Variants in RAB37 observed in about 807,000 individuals in gnomAD.
The protein encoded by RAB37 is ras-related protein Rab-37.
In RAB37, 29 loss-of-function variants were observed where a neutral mutation model predicts 33.1. The ratio of observed to expected loss-of-function variants is 0.88; its 90% CI spans 0.65 to 1.20. The LOEUF (loss-of-function observed/expected upper bound fraction) is 1.20, where lower values mean the gene tolerates loss of function less well. RAB37 is among the 50% of genes most tolerant of loss of function. The pLI is 0.00. For missense variants in RAB37, 299 were observed against 301.1 expected (o/e 0.99, Z 0.05); for synonymous variants, 128 against 119.5 (o/e 1.07, Z -0.47).
At chr17:74,689,467 A>G (rs1404295967) in intron 1 of RAB37, among the ~76,000 whole-genome samples, 4 of 152,150 alleles carry the variant, frequency 2.6e-5, no homozygotes. Context: ...AAAGAAAGAA[A>G]GAAAAGAAAA....
rs1036570601 is a variant in RAB37 at position 74,729,865 on chromosome 17, T to C, written c.183+499T>C. ...AGGTCAGCCCTCCAAGGCAAGAAGATCTGGAGGGACAAAGGGACGACAAAG... is the reference window on the plus strand; with the variant it reads ...AGGTCAGCCCTCCAAGGCAAGAAGACCTGGAGGGACAAAGGGACGACAAAG... On this transcript the variant is annotated intron_variant, in intron 2 of 7. Coordinates refer to the RAB37 transcript ENST00000340415. This position sits in a 1 kb window ranked among gnomAD's most constrained non-coding sequence, Gnocchi z 4.2. 5.3e-5 allele frequency among the ~76,000 whole-genome samples: 8 copies of C among 152,230 alleles called. No individual in the cohort carries two copies. The highest frequency in any genetic ancestry group is 4.6e-4 in the Admixed American group (7 of 15,290).
intron 1 of RAB37, among the ~76,000 whole-genome samples, chr17:74,690,219 C>A (rs569293772): frequency 6.6e-6 from 1 of 152,248 alleles, no homozygotes; most frequent in Admixed American, 6.5e-5. Flanking sequence ...CTTGGCTTCC[C>A]AAAGTGCTGA....
chr17:74,695,938 G>A lies in RAB37; in HGVS notation c.72+24280G>A, dbSNP rs2032424071. Reference sequence around the variant, plus strand: ...TTCCTTTTCCACGGTGGGACGGGACGAGAGCCTCTCCACTTCCCCAGGTGC... The same window carrying A: ...TTCCTTTTCCACGGTGGGACGGGACAAGAGCCTCTCCACTTCCCCAGGTGC... On this transcript the variant is annotated intron_variant, in intron 1 of 7. Coordinates refer to the RAB37 transcript ENST00000340415. The A allele has an allele frequency of 6.0e-6, 9 of 1,508,454 alleles. No individual in the cohort carries two copies. In the Middle Eastern group the frequency reaches 5.5e-4, roughly 93 times the overall value. The allele number at this position is 1,508,454 out of a possible 1,614,324, so 93.4% of individuals were successfully genotyped here.
intron 1 of RAB37, among the ~76,000 whole-genome samples, chr17:74,691,888 C>T (rs1325051546): frequency 1.4e-5 from 2 of 142,390 alleles, no homozygotes; most frequent in Admixed American, 1.4e-4. Flanking sequence ...TTTTTTGAGA[C>T]GGAGTCTTGC....
intron 1 of RAB37, chr17:74,705,337 T>C: frequency 1.5e-6 from 1 of 675,444 alleles, no homozygotes; most frequent in Non-Finnish European, 2.8e-6. Context: ...TGAATGCCTT[T>C]GAAGTTGATC....
At chr17:74,702,978 T>C (rs1247342172) in intron 1 of RAB37, 2 of 1,373,564 alleles carry the variant, frequency 1.5e-6, no homozygotes, top group Admixed American at 1.7e-5. Flanking sequence ...CTTCAAAGAG[T>C]TCTCCATTGG....
At position 74,737,324 on chromosome 17, in the gene RAB37, C is replaced by T; in HGVS notation, c.52C>T (p.Arg18Cys). The T allele has an allele frequency of 1.3e-6, 2 of 1,577,184 alleles. No individual in the cohort carries two copies. The highest frequency in any genetic ancestry group is 3.5e-5 in the Admixed American group (2 of 56,366). The change falls in exon 1 of 9, where the codon CGC (arginine) becomes TGC (cysteine). Residue 18 changes from arginine to cysteine, a missense_variant. Arg to Cys is a radical substitution (Grantham distance 180). Coordinates refer to ENST00000392613, the MANE Select transcript of RAB37 (RefSeq NM_001006638.3). ...CACCCGGGATGGCGAGGCCCCCGAG[C>T]GCTCCCCGCCCTGCAGTCCGAGCTA... ...VATRDGEAPE[R>C]SPPCSPSYDL...
At chr17:74,703,228 C>T (rs2033224135) in intron 1 of RAB37, 9 of 1,142,272 alleles carry the variant, frequency 7.9e-6, no homozygotes, top group Non-Finnish European at 1.2e-5. Flanking sequence ...AGCTCTGAGC[C>T]TGGGCGGGGG....
intron 1 of RAB37, among the ~76,000 whole-genome samples, chr17:74,690,219 C>T (rs569293772): frequency 6.6e-6 from 1 of 152,130 alleles, no homozygotes; most frequent in Non-Finnish European, 1.5e-5. Context: ...CTTGGCTTCC[C>T]AAAGTGCTGA....
At chr17:74,688,326 G>C (rs1281822838) in intron 1 of RAB37, among the ~76,000 whole-genome samples, 5 of 152,252 alleles carry the variant, frequency 3.3e-5, no homozygotes, top group South Asian at 2.1e-4. Flanking sequence ...AAGGCAGGGG[G>C]ATTACCTGAG....
Position 74,742,333 on chromosome 17 carries a change from G to A in RAB37, c.246+38G>A. 1 of 1,528,396 alleles carries A rather than the reference G, an allele frequency of 6.5e-7. No individual in the cohort carries two copies. Among genetic ancestry groups the A allele is most frequent in the Non-Finnish European group, 9.0e-7 (1 of 1,106,472 alleles). The allele number at this position is 1,528,396 out of a possible 1,614,324, so 94.7% of individuals were successfully genotyped here. ...GCTGGAGTTGGGGAGGGAGGATGGA[G>A]GACCTGCCCTTCCTTCTCACCCTGA... On this transcript the variant is annotated intron_variant, in intron 3 of 8. Transcript: ENST00000392613. This position sits in a 1 kb window ranked among gnomAD's most constrained non-coding sequence, Gnocchi z 4.0.
intron 1 of RAB37, chr17:74,713,121 A>G: frequency 2.1e-6 from 1 of 472,572 alleles, no homozygotes; most frequent in East Asian, 4.1e-5. Context: ...CCTGGCCAAC[A>G]TAGTGAAACC....
rs999410602 is a variant in RAB37, at chr17:74,738,217, G to A, written c.93+852G>A. 2.0e-5 allele frequency among the ~76,000 whole-genome samples: 3 copies of A among 152,122 alleles called. No individual in the cohort carries two copies. The highest frequency in any genetic ancestry group is 7.2e-5 in the African/African-American group (3 of 41,406). On this transcript the variant is annotated intron_variant, in intron 1 of 8. Transcript: ENST00000392613. This position sits in a 1 kb window ranked among gnomAD's most constrained non-coding sequence, Gnocchi z 5.0. The stretch of plus-strand genomic sequence containing the variant: ...TGGAGTGAGGGCTGTCCTGGATTCC[G>A]CTGCATGGCCTTGAAGGAGACCTGC...
At position 74,728,290 on chromosome 17, in the gene RAB37, G is replaced by A. The variant is rs561654174; in HGVS notation, c.73-966G>A. ...TTTCCACATGTCTGTGTGCATGTGT[G>A]TGTTCTGTGTGTATGTGTGTGTTTG... On this transcript the variant is annotated intron_variant, in intron 1 of 7. Coordinates refer to the RAB37 transcript ENST00000340415. Among the ~76,000 whole-genome samples, 40 of 152,108 alleles carry A rather than the reference G, an allele frequency of 2.6e-4. No homozygotes were observed. In the East Asian group the frequency reaches 7.4e-3, roughly 28 times the overall value.
At chr17:74,737,044 C>T (rs569982744), upstream of RAB37, 5 of 1,608,782 alleles carry the variant, frequency 3.1e-6, no homozygotes, top group South Asian at 1.1e-5. Flanking sequence ...GGAGCCGAGC[C>T]GGTGTTGCTC....
At chr17:74,692,012 C>T (rs926290083) in intron 1 of RAB37, among the ~76,000 whole-genome samples, 4 of 151,758 alleles carry the variant, frequency 2.6e-5, no homozygotes, top group African/African-American at 7.3e-5. Context: ...ACTACAGGCA[C>T]CCGCCACCAC....
At chr17:74,693,936 A>G (rs1047314643) in intron 1 of RAB37, among the ~76,000 whole-genome samples, 14 of 152,154 alleles carry the variant, frequency 9.2e-5, no homozygotes, top group Admixed American at 2.0e-4. Flanking sequence ...CTCAAAAAAA[A>G]AAAAGATAGT....
intron 1 of RAB37, among the ~76,000 whole-genome samples, chr17:74,706,282 AATATAT>A (rs35583593): frequency 6.9e-6 from 1 of 145,124 alleles, no homozygotes; most frequent in Non-Finnish European, 1.5e-5. Context: ...GGAAAAAAAA[AATATAT>A]ATATATATAT....
chr17:74,697,513 G>A (rs1394637514), intron 1 of RAB37, among the ~76,000 whole-genome samples: 1 of 152,222 alleles, frequency 6.6e-6, no homozygotes, highest in Non-Finnish European at 1.5e-5. Context: ...CAAACTAACA[G>A]AGAGTCAGGC....
Sources: gnomAD v4.1 joint callset for allele counts (sites outside exome capture counted in the v4.1 genomes callset) on GRCh38, gnomAD v4.1.1 for gene constraint, Gnocchi (gnomAD v3.1) non-coding constraint, MANE v1.5 for transcripts, NCBI Gene and HGNC (gene_info 2026-07-23, HGNC 2026-07-21) for gene names.